Variants in CD180 observed in about 807,000 individuals in gnomAD.
CD180 encodes CD180 antigen.
CD180 carries 11 observed loss-of-function variants against 10.7 expected under a neutral mutation model. That is an observed-to-expected ratio of 1.03 (90% CI 0.65 to 1.70). The LOEUF is 1.70. Ranked by LOEUF, CD180 falls within the 40% of genes most tolerant of loss-of-function variation. The pLI is 0.00. For synonymous variants in CD180, 286 were observed against 294.6 expected, an observed-to-expected ratio of 0.97 and a Z score of 0.30; for missense variants, 729 against 775.2, an observed-to-expected ratio of 0.94 and a Z score of 0.71.
intron 1 of CD180, among the ~76,000 whole-genome samples, chr5:67,192,107 G>T (rs1742317685): frequency 6.6e-6 from 1 of 152,024 alleles, no homozygotes; most frequent in Non-Finnish European, 1.5e-5. Context: ...TAAGAACTTT[G>T]GGGCCGGGCA....
chr5:67,182,705 G>A lies in CD180; in HGVS notation c.*152C>T. The A allele has an allele frequency of 1.6e-6, 1 of 612,998 alleles. No individual in the cohort carries two copies. Among genetic ancestry groups the A allele is most frequent in the Non-Finnish European group, 2.8e-6 (1 of 356,010 alleles). 38.0% of individuals were successfully genotyped at this position (612,998 alleles called of 1,614,324 possible). A position where few individuals can be genotyped will look rare whatever the true frequency, so the allele number is the denominator to read the frequency against. On this transcript the variant is annotated 3_prime_UTR_variant, in exon 3 of 3. Transcript: ENST00000256447. ...AGGTTCTTTAGCTCTGGGACTCACA[G>A]GAGTAAGAAGCTCAGAAAAGCACAG... is the stretch of plus-strand genomic sequence containing the variant.
At position 67,183,501 on chromosome 5, in the gene CD180, G is replaced by A; in HGVS notation, c.1342C>T (p.Gln448Ter). 6.2e-7 allele frequency: 1 copy of A among 1,614,204 alleles called. No individual in the cohort carries two copies. Among genetic ancestry groups the A allele is most frequent in the South Asian group, 1.1e-5 (1 of 91,088 alleles). ...AAGCAGTAAGTGAGATTCAGAACCTGAAGGAAATGGAGGTTTTGGAAGGGA... is the reference window on the plus strand; with the variant it reads ...AAGCAGTAAGTGAGATTCAGAACCTAAAGGAAATGGAGGTTTTGGAAGGGA... The part of the protein sequence containing the change: ...QSPFQNLHFL[Q>*]VLNLTYCFLD... The change falls in exon 3 of 3, where the codon CAG becomes TAG. Residue 448 changes from glutamine (Q) to a stop codon, truncating the protein, a stop_gained. Transcript: ENST00000256447. LOFTEE classifies it low-confidence loss of function (END_TRUNC).
Position 67,182,938 on chromosome 5 carries a change from G to A in CD180, c.1905C>T (p.Leu635=), listed in dbSNP as rs1168520184. ...TAGCCAACAATAATAGAAATACTAT[G>A]AGAAAGAAAATGCCTATGGCTGTAA... ...CGITAIGIFF[L]IVFLLLLAIL... Residue 635 remains leucine (L), a synonymous_variant, in exon 3 of 3, where the codon CTC becomes CTT. Coordinates refer to ENST00000256447, the MANE Select transcript of CD180 (RefSeq NM_005582.3). 1.9e-6 allele frequency: 3 copies of A among 1,613,902 alleles called. No homozygotes were observed. The highest frequency in any genetic ancestry group is 2.7e-5 in the African/African-American group (2 of 74,940).
chr5:67,184,950 A>G (rs554086092), intron 2 of CD180, among the ~76,000 whole-genome samples: 2 of 152,188 alleles, frequency 1.3e-5, no homozygotes, highest in South Asian at 4.1e-4. Flanking sequence ...TAAAATACAT[A>G]TATATATACA....
chr5:67,185,877 C>G lies in CD180; in HGVS notation c.231G>C (p.Met77Ile). The G allele has an allele frequency of 6.2e-7, 1 of 1,604,278 alleles. No individual in the cohort carries two copies. Among genetic ancestry groups the G allele is most frequent in the Non-Finnish European group, 8.5e-7 (1 of 1,175,722 alleles). The change falls in exon 2 of 3, where the codon ATG becomes ATC. Residue 77 changes from methionine (M) to isoleucine (I), a missense_variant. Physicochemically the swap from Met to Ile is conservative, Grantham distance 10 (BLOSUM62 1). Coordinates refer to ENST00000256447, the MANE Select transcript of CD180 (RefSeq NM_005582.3). ...TIHNRTFSRL[M>I]NLTFLDLTRC... is the part of the protein sequence containing the mutation. Reference sequence around the variant, plus strand: ...TAGTTAAATCCAAAAAGGTAAGATTCATGAGTCTGCTGAAGGTTCTATTGT... The same window carrying G: ...TAGTTAAATCCAAAAAGGTAAGATTGATGAGTCTGCTGAAGGTTCTATTGT...
chr5:67,184,705 C>A (rs921433765), intron 2 of CD180, 120 bp from the exon 3 acceptor site: 3 of 817,480 alleles, frequency 3.7e-6, no homozygotes, highest in African/African-American at 3.4e-5. Context: ...TAAGAACTTT[C>A]TTCAATATCA....
chr5:67,183,468 T>C lies in CD180; in HGVS notation c.1375A>G (p.Thr459Ala). Residue 459 changes from threonine to alanine, a missense_variant, in exon 3 of 3, where the codon ACC becomes GCC. By Grantham distance (58) the Thr-to-Ala change is moderately conservative (BLOSUM62 0). Transcript: ENST00000256447. ...VLNLTYCFLD[T>A]SNQHLLAGLP... is the part of the protein sequence containing the mutation. Reference sequence around the variant, plus strand: ...CCTGCTAGAAGATGCTGATTGCTGGTATCAAGGAAGCAGTAAGTGAGATTC... The same window carrying C: ...CCTGCTAGAAGATGCTGATTGCTGGCATCAAGGAAGCAGTAAGTGAGATTC... 6.2e-7 allele frequency: 1 copy of C among 1,614,202 alleles called. No individual in the cohort carries two copies. Among genetic ancestry groups the C allele is most frequent in the Non-Finnish European group, 8.5e-7 (1 of 1,180,028 alleles).
Position 67,183,797 on chromosome 5 carries a change from T to A in CD180, c.1046A>T (p.His349Leu). 1.9e-6 allele frequency: 3 copies of A among 1,613,814 alleles called. No individual in the cohort carries two copies. The highest frequency in any genetic ancestry group is 2.5e-6 in the Non-Finnish European group (3 of 1,179,888). The part of the protein sequence containing the change: ...ISAANFPSLT[H>L]LYIRGNVKKL... ...CTTCACGTTGCCTCTGATGTAGAGG[T>A]GTGTAAGGGAGGGGAAATTGGCAGC... Residue 349 changes from histidine to leucine, a missense_variant, in exon 3 of 3, where the codon CAC (histidine) becomes CTC (leucine). By Grantham distance (99) the His-to-Leu change is moderately conservative. Transcript: ENST00000256447.
intron 1 of CD180, among the ~76,000 whole-genome samples, chr5:67,188,093 C>CCGG (rs1742234250): frequency 6.6e-6 from 1 of 151,772 alleles, no homozygotes; most frequent in Admixed American, 6.6e-5. Context: ...TCGCTTGAAC[C>CCGG]AGGGACTCAG....
At position 67,185,947 on chromosome 5, in the gene CD180, G is replaced by A; in HGVS notation, c.161C>T (p.Thr54Ile). 1.2e-6 allele frequency: 2 copies of A among 1,611,574 alleles called. No homozygotes were observed. The highest frequency in any genetic ancestry group is 1.7e-6 in the Non-Finnish European group (2 of 1,178,698). Reference sequence around the variant, plus strand: ...AAAGCTGAATTCCAAAAATTCTGTTGTGTTTGGTAGAGTGTCAGGGATTTC... The same window carrying A: ...AAAGCTGAATTCCAAAAATTCTGTTATGTTTGGTAGAGTGTCAGGGATTTC... ...LSEIPDTLPN[T>I]TEFLEFSFNF... The change falls in exon 2 of 3, where the codon ACA (threonine) becomes ATA (isoleucine). Residue 54 changes from threonine (T) to isoleucine (I), a missense_variant. Thr to Ile is a moderately conservative substitution (Grantham distance 89, BLOSUM62 -1). Coordinates refer to ENST00000256447, the MANE Select transcript of CD180 (RefSeq NM_005582.3).
rs576140530 is a variant in CD180 at position 67,186,887 on chromosome 5, A to AGC, written c.91-871_91-870insGC. On this transcript the variant is annotated intron_variant, in intron 1 of 2. Coordinates refer to ENST00000256447, the MANE Select transcript of CD180 (RefSeq NM_005582.3). ...GTGTGTGTGTGTGAAAGAGAGAGAG[A>AGC]GAGAGAGAGAGAATGAGAGAGGAGA... Among the ~76,000 whole-genome samples the AGC allele has an allele frequency of 2.7e-3, 394 of 144,210 alleles. 2 individuals carry two copies. The highest frequency in any genetic ancestry group is 0.011 in the African/African-American group (374 of 34,166). The allele number at this position is 144,210 out of a possible 152,430, so 94.6% of individuals were successfully genotyped here. A position where few individuals can be genotyped will look rare whatever the true frequency, so the allele number is the denominator to read the frequency against.
intron 1 of CD180, among the ~76,000 whole-genome samples, chr5:67,192,028 A>G (rs1004988309): frequency 1.3e-5 from 2 of 152,238 alleles, no homozygotes; most frequent in Non-Finnish European, 2.9e-5. Flanking sequence ...GAGGTAGGCA[A>G]AGATTTCTTA....
In CD180 at chr5:67,183,943, G is replaced by C; in HGVS notation, c.900C>G (p.Leu300=). 2 of 1,614,182 alleles carry C rather than the reference G, an allele frequency of 1.2e-6. No homozygotes were observed. The highest frequency in any genetic ancestry group is 1.3e-5 in the African/African-American group (1 of 75,048). ...SSTTFQCFTQ[L]QELDLTATHL... The stretch of plus-strand genomic sequence containing the variant: ...GAGTTGCTGTCAGATCCAATTCTTG[G>C]AGTTGGGTGAAGCACTGAAATGTGG... Residue 300 remains leucine (L), a synonymous_variant, in exon 3 of 3, where the codon CTC becomes CTG. Transcript: ENST00000256447.
At chr5:67,188,879 G>A (rs919104206) in intron 1 of CD180, among the ~76,000 whole-genome samples, 4 of 152,214 alleles carry the variant, frequency 2.6e-5, no homozygotes, top group Non-Finnish European at 2.9e-5. Flanking sequence ...AGTCCTCCAG[G>A]CACTGCCACA....
intron 1 of CD180, among the ~76,000 whole-genome samples, chr5:67,189,522 A>T (rs1243476284): frequency 1.3e-5 from 2 of 152,194 alleles, no homozygotes; most frequent in Non-Finnish European, 2.9e-5. Flanking sequence ...TGTGCCTTTG[A>T]TTTCTAGGAG....
intron 2 of CD180, among the ~76,000 whole-genome samples, 189 bp from the exon 3 acceptor site, chr5:67,184,774 AT>A (rs996153255): frequency 2.0e-5 from 3 of 152,038 alleles, no homozygotes; most frequent in African/African-American, 7.2e-5. Context: ...GCCAATCTAG[AT>A]TTTTTTTCCA....
rs776431180 is a variant in CD180, at chr5:67,183,014, G to A, written c.1829C>T (p.Pro610Leu). ...EGSEETTCANPPSLRGVKLSD... is the reference protein window; with the variant it reads ...EGSEETTCANLPSLRGVKLSD... ...TAGCTTAACTCCCCTTAGAGATGGC[G>A]GGTTTGCACACGTGGTCTCCTCCGA... Residue 610 changes from proline (P) to leucine (L), a missense_variant, in exon 3 of 3, where the codon CCG becomes CTG. By Grantham distance (98) the Pro-to-Leu change is moderately conservative. Transcript: ENST00000256447. 17 of 1,614,080 alleles carry A rather than the reference G, an allele frequency of 1.1e-5. No individual in the cohort carries two copies. Among genetic ancestry groups the A allele is most frequent in the East Asian group, 2.2e-5 (1 of 44,900 alleles).
intron 1 of CD180, among the ~76,000 whole-genome samples, chr5:67,191,997 A>G (rs894104408): frequency 2.0e-5 from 3 of 152,262 alleles, no homozygotes; most frequent in Admixed American, 2.0e-4. Context: ...TAGAAGAAAC[A>G]TGGGATAATA....
chr5:67,186,873 T>TGTGTGTGTGTGTGA (rs772303459), intron 1 of CD180, among the ~76,000 whole-genome samples: 158 of 139,800 alleles, frequency 1.1e-3, no homozygotes, highest in African/African-American at 4.1e-3. Context: ...TGTGTGTGTG[T>TGTGTGTGTGTGTGA]GAAAGAGAGA....
Sources: gnomAD v4.1 joint callset for allele counts (sites outside exome capture counted in the v4.1 genomes callset) on GRCh38, gnomAD v4.1.1 for gene constraint, MANE v1.5 for transcripts, NCBI Gene and HGNC (gene_info 2026-07-23, HGNC 2026-07-21) for gene names.